The following KBTBD3 variants were observed in gnomAD, a reference collection of about 807,000 sequenced individuals.
KBTBD3 encodes the protein kelch repeat and BTB domain-containing protein 3.
Under a neutral mutation model 49.6 loss-of-function variants are expected in KBTBD3, and 38 were observed. The observed-to-expected ratio is 0.77, with a 90% confidence interval of 0.59 to 1.00. The LOEUF (loss-of-function observed/expected upper bound fraction) is 1.00. Ranked by LOEUF, KBTBD3 falls within the 50% of genes least tolerant of loss-of-function variation. KBTBD3 has a pLI of 0.00. For missense variants in KBTBD3, 661 were observed against 712.0 expected (o/e 0.93, Z 0.81); for synonymous variants, 214 against 250.4 (o/e 0.85, Z 1.37).
Position 106,058,981 on chromosome 11 carries a change from T to G in KBTBD3, c.117A>C (p.Leu39Phe), listed in dbSNP as rs747785007. Residue 39 changes from leucine to phenylalanine, a missense_variant, in exon 3 of 4, where the codon TTA (leucine) becomes TTC (phenylalanine). Leu to Phe is a conservative substitution (Grantham distance 22). Coordinates refer to ENST00000531837, the MANE Select transcript of KBTBD3 (RefSeq NM_198439.3). Reference sequence around the variant, plus strand: ...GTTCTCTAAAATTCTGTAGTACACTTAAGATTTTTTGTCCATGATCTTCTG... The same window carrying G: ...GTTCTCTAAAATTCTGTAGTACACTGAAGATTTTTTGTCCATGATCTTCTG... Reference protein sequence around the residue: ...LVSEDHGQKILSVLQNFREQN... With the variant: ...LVSEDHGQKIFSVLQNFREQN... The G allele has an allele frequency of 6.4e-7, 1 of 1,552,910 alleles. No homozygotes were observed. The highest frequency in any genetic ancestry group is 8.6e-7 in the Non-Finnish European group (1 of 1,158,710).
Position 106,053,401 on chromosome 11 carries a change from G to A in KBTBD3, c.1288C>T (p.Leu430Phe), listed in dbSNP as rs868648014. The change falls in exon 4 of 4, where the codon CTT (leucine) becomes TTT (phenylalanine). Residue 430 changes from leucine to phenylalanine, a missense_variant. Coordinates refer to ENST00000531837, the MANE Select transcript of KBTBD3 (RefSeq NM_198439.3). ...SLLDVESYNP[L>F]SKEWISVSPL... Reference sequence around the variant, plus strand: ...CTAACAGATATCCATTCTTTGGAAAGAGGATTGTAAGATTCAACATCTAAG... The same window carrying A: ...CTAACAGATATCCATTCTTTGGAAAAAGGATTGTAAGATTCAACATCTAAG... 1.9e-6 allele frequency: 3 copies of A among 1,613,384 alleles called. No homozygotes were observed. Among genetic ancestry groups the A allele is most frequent in the South Asian group, 1.1e-5 (1 of 91,062 alleles).
At position 106,065,922 on chromosome 11, in the gene KBTBD3, C is replaced by T. The variant is rs75526133; in HGVS notation, c.-12-6813G>A. On this transcript the variant is annotated intron_variant, in intron 2 of 3. Coordinates refer to ENST00000531837, the MANE Select transcript of KBTBD3 (RefSeq NM_198439.3). The stretch of plus-strand genomic sequence containing the variant: ...GTTGCAGTAAGCTGAGATCACACCA[C>T]TGCACTCCAGCCTGGATGACAGAGC... Among the ~76,000 whole-genome samples, 3 of 148,850 alleles carry T rather than the reference C, an allele frequency of 2.0e-5. No homozygotes were observed. In the East Asian group the frequency reaches 6.0e-4, roughly 30 times the overall value.
In KBTBD3 at chr11:106,054,093, T is replaced by G. The variant is rs764681173; in HGVS notation, c.596A>C (p.Gln199Pro). 6.2e-7 allele frequency: 1 copy of G among 1,613,562 alleles called. No homozygotes were observed. Among genetic ancestry groups the G allele is most frequent in the Non-Finnish European group, 8.5e-7 (1 of 1,179,822 alleles). The stretch of plus-strand genomic sequence containing the variant: ...TAATTCATCTGATTCCAGACATTTC[T>G]GTAGTACTCCAAAATTCATCTCTAA... ...DFLEMNFGVL[Q>P]KCLESDELNV... The change falls in exon 4 of 4, where the codon CAG becomes CCG. Residue 199 changes from glutamine (Q) to proline (P), a missense_variant. By Grantham distance (76) the Gln-to-Pro change is moderately conservative. Transcript: ENST00000531837.
At chr11:106,054,534 TC>T in intron 3 of KBTBD3, 79 bp from the exon 4 acceptor site, 1 of 1,100,850 alleles carries the variant, frequency 9.1e-7, no homozygotes, top group African/African-American at 1.6e-5. Context: ...TAAAGAGGTT[TC>T]CTTACTCTTG....
chr11:106,063,636 A>T (rs192014558), intron 2 of KBTBD3, among the ~76,000 whole-genome samples: 1,639 of 152,310 alleles, frequency 0.011, 26 homozygotes, highest in African/African-American at 0.036. Flanking sequence ...AGAATATTTT[A>T]AAAAATACAT....
intron 2 of KBTBD3, among the ~76,000 whole-genome samples, chr11:106,059,429 C>A (rs986261303): frequency 3.3e-5 from 5 of 152,150 alleles, no homozygotes; most frequent in African/African-American, 4.8e-5. Context: ...AATATTATTA[C>A]TATACATAAG....
At chr11:106,070,983 T>TGGTTTTGA (rs1860906235) in intron 2 of KBTBD3, among the ~76,000 whole-genome samples, 1 of 152,138 alleles carries the variant, frequency 6.6e-6, no homozygotes, top group Non-Finnish European at 1.5e-5. Flanking sequence ...GTCAAATTCC[T>TGGTTTTGA]GGTTTTGATC....
Position 106,052,628 on chromosome 11 carries a change from G to T in KBTBD3, c.*222C>A. The T allele has an allele frequency of 2.2e-6, 1 of 446,304 alleles. No homozygotes were observed. The highest frequency in any genetic ancestry group is 3.9e-6 in the Non-Finnish European group (1 of 253,284). The allele number at this position is 446,304 out of a possible 1,614,324, so 27.6% of individuals were successfully genotyped here. A position where few individuals can be genotyped will look rare whatever the true frequency, so the allele number is the denominator to read the frequency against. Reference sequence around the variant, plus strand: ...TTGTAGTTTCATGTGAAAATACTAAGTATTCTGGATTCCCCAAGGTTAAAT... The same window carrying T: ...TTGTAGTTTCATGTGAAAATACTAATTATTCTGGATTCCCCAAGGTTAAAT... On this transcript the variant is annotated 3_prime_UTR_variant, in exon 4 of 4. Coordinates refer to ENST00000531837, the MANE Select transcript of KBTBD3 (RefSeq NM_198439.3).
intron 2 of KBTBD3, among the ~76,000 whole-genome samples, chr11:106,066,579 TA>T (rs1189550672): frequency 2.0e-5 from 3 of 152,138 alleles, no homozygotes; most frequent in Non-Finnish European, 4.4e-5. Context: ...GATCCAACTA[TA>T]AATGTACTTG....
rs192890645 is a variant in KBTBD3, at chr11:106,057,985, T to G, written c.233+880A>C. ...AAGCTGACACCATCAAAAAAATTTC[T>G]TCTGTCCCAGCGTAGTTCAAGGGAT... On this transcript the variant is annotated intron_variant, in intron 3 of 3. Coordinates refer to ENST00000531837, the MANE Select transcript of KBTBD3 (RefSeq NM_198439.3). 6.0e-5 allele frequency: 24 copies of G among 398,440 alleles called. No individual in the cohort carries two copies. The East Asian group carries it at 7.5e-4, about 12-fold the overall frequency. 24.7% of individuals were successfully genotyped at this position (398,440 alleles called of 1,614,324 possible).
At chr11:106,076,840 ATGGAATCCTG>A (rs1290512913) in intron 1 of KBTBD3, 133 bp from the exon 2 acceptor site, 9 of 152,246 alleles carry the variant, frequency 5.9e-5, no homozygotes, top group African/African-American at 2.2e-4. Context: ...TACCTCAACA[ATGGAATCCTG>A]TTTTCTCGCT....
At position 106,052,642 on chromosome 11, in the gene KBTBD3, C is replaced by A. The variant is rs770253031; in HGVS notation, c.*208G>T. On this transcript the variant is annotated 3_prime_UTR_variant, in exon 4 of 4. Coordinates refer to ENST00000531837, the MANE Select transcript of KBTBD3 (RefSeq NM_198439.3). ...GAAAATACTAAGTATTCTGGATTCC[C>A]CAAGGTTAAATTATATTCAGTATAA... 8 of 469,978 alleles carry A rather than the reference C, an allele frequency of 1.7e-5. No homozygotes were observed. The highest frequency in any genetic ancestry group is 3.0e-5 in the Non-Finnish European group (8 of 268,038). 29.1% of individuals were successfully genotyped at this position (469,978 alleles called of 1,614,324 possible).
At chr11:106,058,484 G>C (rs1177186594) in intron 3 of KBTBD3, among the ~76,000 whole-genome samples, 1 of 151,752 alleles carries the variant, frequency 6.6e-6, no homozygotes, top group Admixed American at 6.5e-5. Flanking sequence ...GAGTGCGGTG[G>C]CGCGATCTCA....
At chr11:106,067,287 G>A (rs1207742334) in intron 2 of KBTBD3, among the ~76,000 whole-genome samples, 1 of 152,132 alleles carries the variant, frequency 6.6e-6, no homozygotes, top group South Asian at 2.1e-4. Flanking sequence ...GAATGATATT[G>A]GAGAAGGCTA....
rs1319996060 is a variant in KBTBD3 at position 106,053,687 on chromosome 11, T to C, written c.1002A>G (p.Gly334=). Residue 334 remains glycine (G), a synonymous_variant, in exon 4 of 4, where the codon GGA becomes GGG. Transcript: ENST00000531837. ...TCTCTCCGTAACTCGAAAGACTAGA[T>C]CCTGGCAAATCAATCAGGTGTGATT... ...LPQSHLIDLP[G]SSLSSYGEKI... 3 of 1,613,666 alleles carry C rather than the reference T, an allele frequency of 1.9e-6. No homozygotes were observed. Among genetic ancestry groups the C allele is most frequent in the Middle Eastern group, 1.6e-4 (1 of 6,084 alleles).
chr11:106,056,707 G>C (rs1210541009), intron 3 of KBTBD3, among the ~76,000 whole-genome samples: 1 of 152,108 alleles, frequency 6.6e-6, no homozygotes, highest in Non-Finnish European at 1.5e-5. Context: ...GGAAACTGAG[G>C]CCTGAAGGAG....
At chr11:106,057,636 T>C (rs970653154) in intron 3 of KBTBD3, 21 of 157,274 alleles carry the variant, frequency 1.3e-4, no homozygotes, top group Admixed American at 1.2e-3. Flanking sequence ...GTGTTATGAA[T>C]AGGACATTCT....
At chr11:106,059,475 C>T (rs1860637669) in intron 2 of KBTBD3, among the ~76,000 whole-genome samples, 1 of 152,104 alleles carries the variant, frequency 6.6e-6, no homozygotes, top group East Asian at 1.9e-4. Flanking sequence ...AGTATATGCC[C>T]AACACAATCC....
chr11:106,058,031 G>A (rs1186813977), intron 3 of KBTBD3: 1 of 398,334 alleles, frequency 2.5e-6, no homozygotes, highest in Non-Finnish European at 4.4e-6. Context: ...GAGAACTTTG[G>A]GAAATGCTGA....
Sources: gnomAD v4.1 joint callset for allele counts (sites outside exome capture counted in the v4.1 genomes callset) on GRCh38, gnomAD v4.1.1 for gene constraint, MANE v1.5 for transcripts, NCBI Gene and HGNC (gene_info 2026-07-23, HGNC 2026-07-21) for gene names.